The following MTUS1 variants were observed in gnomAD, a reference collection of about 807,000 sequenced individuals.
MTUS1 encodes microtubule associated scaffold protein 1, also known as microtubule-associated tumor suppressor 1.
In MTUS1, 109 loss-of-function variants were observed where a neutral mutation model predicts 120.8. The ratio of observed to expected loss-of-function variants is 0.90; its 90% confidence interval spans 0.77 to 1.06. The LOEUF is 1.06. Ranked by LOEUF, MTUS1 falls within the 50% of genes least tolerant of loss-of-function variation. The pLI is 0.00. For missense variants in MTUS1, 2,210 were observed against 1,486.3 expected (o/e 1.49, Z -8.01); for synonymous variants, 737 against 550.5 (o/e 1.34, Z -4.74).
At chr8:17,722,455 C>A (rs902448572) in intron 4 of MTUS1, 1 of 985,264 alleles carries the variant, frequency 1.0e-6, no homozygotes, top group Non-Finnish European at 1.2e-6. Flanking sequence ...TACATGCAAG[C>A]CTGATTTTGT....
At chr8:17,791,141 CT>C (rs1362377028) in intron 1 of MTUS1, among the ~76,000 whole-genome samples, 1 of 152,182 alleles carries the variant, frequency 6.6e-6, no homozygotes, top group African/African-American at 2.4e-5. Flanking sequence ...AGTTCCATAA[CT>C]TACTCGCCAT....
intron 1 of MTUS1, among the ~76,000 whole-genome samples, chr8:17,777,229 G>C (rs187322436): frequency 6.6e-6 from 1 of 152,100 alleles, no homozygotes; most frequent in Non-Finnish European, 1.5e-5. Flanking sequence ...CTGAGGTCAT[G>C]AGTTCGAGAC....
At chr8:17,658,022 TAGACAC>T (rs778498730) in intron 8 of MTUS1, among the ~76,000 whole-genome samples, 1 of 36,364 alleles carries the variant, frequency 2.7e-5, no homozygotes, top group Admixed American at 3.4e-4. Flanking sequence ...ACTATATATA[TAGACAC>T]ACACACACAC....
chr8:17,764,177 T>C (rs746389627), intron 1 of MTUS1, among the ~76,000 whole-genome samples: 1 of 152,228 alleles, frequency 6.6e-6, no homozygotes, highest in Non-Finnish European at 1.5e-5. Flanking sequence ...ATTTTAGTCA[T>C]CTTTTGTTTT....
intron 3 of MTUS1, among the ~76,000 whole-genome samples, chr8:17,733,634 C>T (rs150508074): frequency 2.9e-4 from 44 of 152,216 alleles, no homozygotes; most frequent in Non-Finnish European, 4.6e-4. Context: ...AACAGGGCCC[C>T]GCATCCCTTT....
At chr8:17,774,380 G>C (rs1243440793) in intron 1 of MTUS1, among the ~76,000 whole-genome samples, 8 of 152,152 alleles carry the variant, frequency 5.3e-5, no homozygotes, top group African/African-American at 1.9e-4. Context: ...TACCACCTCA[G>C]TCTCAAATCA....
At chr8:17,674,357 T>G (rs1471304733) in intron 8 of MTUS1, 7 of 545,498 alleles carry the variant, frequency 1.3e-5, no homozygotes, top group Non-Finnish European at 1.6e-5. Context: ...GAGGCGGAGG[T>G]TGCAGTGAGT....
intron 8 of MTUS1, among the ~76,000 whole-genome samples, chr8:17,671,273 C>G (rs1187824695): frequency 2.1e-5 from 3 of 145,648 alleles, no homozygotes; most frequent in Non-Finnish European, 3.0e-5. Flanking sequence ...ATACATTGTT[C>G]TAAAAAAAAA....
In MTUS1 at chr8:17,691,980, A is replaced by T. The variant is rs1413627050; in HGVS notation, c.2624-7438T>A. 5 of 152,224 alleles carry T rather than the reference A, an allele frequency of 3.3e-5. No homozygotes were observed. In the East Asian group the frequency reaches 9.6e-4, roughly 29 times the overall value. 9.4% of individuals were successfully genotyped at this position (152,224 alleles called of 1,614,324 possible). On this transcript the variant is annotated intron_variant, in intron 6 of 14. Transcript: ENST00000693296. ...ATGTTAAGACTTACGTCCAAACGAC[A>T]AAATAACTTGAAAGTTTAATGGAAC...
At chr8:17,703,060 T>C (rs1242452934) in intron 6 of MTUS1, among the ~76,000 whole-genome samples, 1 of 152,166 alleles carries the variant, frequency 6.6e-6, no homozygotes, top group African/African-American at 2.4e-5. Flanking sequence ...AAATGTTTAT[T>C]TGAACAATAT....
chr8:17,738,106 C>T (rs1319918746), intron 3 of MTUS1, among the ~76,000 whole-genome samples: 1 of 152,170 alleles, frequency 6.6e-6, no homozygotes, highest in Non-Finnish European at 1.5e-5. Flanking sequence ...TTTATTAACC[C>T]ACAATAAACT....
chr8:17,771,777 C>T (rs191392846), intron 1 of MTUS1, among the ~76,000 whole-genome samples: 1 of 152,310 alleles, frequency 6.6e-6, no homozygotes, highest in East Asian at 1.9e-4. Context: ...GAAAAGAGAT[C>T]GACTAACATG....
chr8:17,664,437 G>A (rs901564481), intron 8 of MTUS1, among the ~76,000 whole-genome samples: 1 of 151,924 alleles, frequency 6.6e-6, no homozygotes, highest in African/African-American at 2.4e-5. Flanking sequence ...AGCCTGCTGT[G>A]GGTGGCGACT....
intron 8 of MTUS1, chr8:17,674,431 AAAAG>A: frequency 3.1e-6 from 3 of 979,688 alleles, no homozygotes; most frequent in Non-Finnish European, 3.6e-6. Flanking sequence ...AAAAAAAAGA[AAAAG>A]AAACAGAAAA....
At chr8:17,650,799 C>T (rs549316032) in intron 12 of MTUS1, among the ~76,000 whole-genome samples, 1 of 152,288 alleles carries the variant, frequency 6.6e-6, no homozygotes, top group South Asian at 2.1e-4. Flanking sequence ...CACCGCCCAC[C>T]CACTCCTTGC....
At chr8:17,763,565 A>G (rs1175890745) in intron 1 of MTUS1, among the ~76,000 whole-genome samples, 1 of 152,070 alleles carries the variant, frequency 6.6e-6, no homozygotes, top group Non-Finnish European at 1.5e-5. Context: ...ACAAACCCAG[A>G]ATGGCCCGAC....
intron 3 of MTUS1, among the ~76,000 whole-genome samples, chr8:17,734,754 T>C (rs191505553): frequency 7.8e-4 from 118 of 152,182 alleles, no homozygotes; most frequent in Non-Finnish European, 9.3e-4. Flanking sequence ...CACCAGCAAA[T>C]TTATTTACCA....
intron 1 of MTUS1, among the ~76,000 whole-genome samples, chr8:17,796,748 T>C (rs2052274181): frequency 1.3e-5 from 2 of 152,164 alleles, no homozygotes; most frequent in Non-Finnish European, 2.9e-5. Flanking sequence ...GGGATTTTTC[T>C]CTAAGAAAAT....
At chr8:17,761,874 T>C (rs1195356942) in intron 1 of MTUS1, among the ~76,000 whole-genome samples, 1 of 152,246 alleles carries the variant, frequency 6.6e-6, no homozygotes, top group African/African-American at 2.4e-5. Flanking sequence ...ACAATAGTAG[T>C]TTAGCTCTGT....
Sources: allele counts gnomAD v4.1 joint callset (sites outside exome capture counted in the v4.1 genomes callset), GRCh38; gene constraint gnomAD v4.1.1; transcripts MANE v1.5; gene names NCBI Gene and HGNC (gene_info 2026-07-23, HGNC 2026-07-21).